IMMP2L: variants seen among roughly 807,000 people sequenced by gnomAD.
IMMP2L encodes the protein mitochondrial inner membrane protease subunit 2.
A neutral mutation model predicts 19.3 loss-of-function variants in IMMP2L; 18 were observed. That is an observed-to-expected ratio of 0.93 (90% confidence interval 0.64 to 1.38). IMMP2L has a LOEUF of 1.38. Among genes scored for constraint, IMMP2L ranks in the 40% most tolerant of loss-of-function variants. The pLI, the probability that IMMP2L is intolerant of heterozygous loss-of-function variation, is 0.00. For missense variants in IMMP2L, 233 were observed against 218.2 expected (o/e 1.07, Z -0.43); for synonymous variants, 76 against 73.0 (o/e 1.04, Z -0.21).
chr7:111,383,899 A>C (rs1475107186), intron 3 of IMMP2L, among the ~76,000 whole-genome samples: 1 of 152,186 alleles, frequency 6.6e-6, no homozygotes, highest in East Asian at 1.9e-4. Context: ...TGACCTGTCC[A>C]GTTACATTTC....
intron 5 of IMMP2L, among the ~76,000 whole-genome samples, chr7:110,718,180 T>G (rs1295852810): frequency 6.6e-6 from 1 of 152,212 alleles, no homozygotes. Flanking sequence ...TGGTGATCTC[T>G]CTCTTTTACA....
chr7:110,982,910 C>G (rs1821452850), intron 3 of IMMP2L, among the ~76,000 whole-genome samples: 1 of 152,064 alleles, frequency 6.6e-6, no homozygotes, highest in East Asian at 1.9e-4. Flanking sequence ...GAACCATTAA[C>G]TATATCTCTT....
intron 3 of IMMP2L, among the ~76,000 whole-genome samples, chr7:111,260,152 T>C (rs1028102739): frequency 8.5e-5 from 13 of 152,338 alleles, no homozygotes; most frequent in African/African-American, 3.1e-4. Flanking sequence ...GTAACAGTTA[T>C]TTGTTATCAT....
intron 2 of IMMP2L, among the ~76,000 whole-genome samples, chr7:111,499,932 C>G (rs567254700): frequency 2.0e-4 from 31 of 152,262 alleles, no homozygotes; most frequent in African/African-American, 7.5e-4. Flanking sequence ...GGGTTCATCT[C>G]ACTAGGGAGT....
intron 3 of IMMP2L, among the ~76,000 whole-genome samples, chr7:111,443,661 G>C (rs1176387707): frequency 6.6e-6 from 1 of 152,096 alleles, no homozygotes; most frequent in South Asian, 2.1e-4. Flanking sequence ...TTTTTCAAAT[G>C]TTTTGACACA....
intron 1 of IMMP2L, among the ~76,000 whole-genome samples, chr7:111,526,984 C>A (rs1846930345): frequency 6.6e-6 from 1 of 152,056 alleles, no homozygotes; most frequent in African/African-American, 2.4e-5. Flanking sequence ...GAATTGTGAG[C>A]CTCCTCTTCT....
intron 3 of IMMP2L, among the ~76,000 whole-genome samples, chr7:111,427,499 A>G (rs952363292): frequency 1.3e-5 from 2 of 151,848 alleles, no homozygotes; most frequent in African/African-American, 2.4e-5. Context: ...GTTAGTACAA[A>G]TAATAATGAC....
intron 3 of IMMP2L, among the ~76,000 whole-genome samples, chr7:111,486,825 T>G (rs1328305851): frequency 6.6e-6 from 1 of 152,154 alleles, no homozygotes; most frequent in Non-Finnish European, 1.5e-5. Context: ...ACTCCTGATG[T>G]ACATAAATGT....
intron 3 of IMMP2L, chr7:111,090,936 C>T (rs1456743024): frequency 6.6e-6 from 1 of 152,092 alleles, no homozygotes; most frequent in African/African-American, 2.4e-5. Context: ...AAAATGATAC[C>T]TAGGAAAACA....
At chr7:110,886,038 G>A (rs1053009106) in intron 5 of IMMP2L, among the ~76,000 whole-genome samples, 3 of 151,816 alleles carry the variant, frequency 2.0e-5, no homozygotes, top group Non-Finnish European at 4.4e-5. Context: ...CTTTATGAGG[G>A]CTCCTGCGCC....
rs1443294981 is a variant in IMMP2L at position 110,663,669 on chromosome 7, T to A, written c.461A>T (p.Glu154Val). Residue 154 changes from glutamate to valine, a missense_variant, in exon 6 of 6, where the codon GAG becomes GTG. Glu to Val is a moderately radical substitution (Grantham distance 121). Transcript: ENST00000405709. ...AHATHILWPP[E>V]RWQKLESVLP... ...AACAGATTCCAATTTCTGCCAGCGC[T>A]CTGGGGGCCACAGGATATGTGTGGC... The A allele has an allele frequency of 6.2e-7, 1 of 1,610,412 alleles. No homozygotes were observed. The highest frequency in any genetic ancestry group is 1.7e-5 in the Admixed American group (1 of 59,630).
chr7:111,202,080 T>C (rs573871340), intron 3 of IMMP2L, among the ~76,000 whole-genome samples: 2 of 152,294 alleles, frequency 1.3e-5, no homozygotes, highest in Non-Finnish European at 2.9e-5. Flanking sequence ...AGCTTCTCCA[T>C]TTGACTAAAC....
intron 5 of IMMP2L, among the ~76,000 whole-genome samples, chr7:110,721,295 A>T (rs1795551079): frequency 6.6e-6 from 1 of 152,112 alleles, no homozygotes; most frequent in African/African-American, 2.4e-5. Context: ...GACTAAAATG[A>T]AATAATGCAT....
chr7:111,044,480 G>A (rs1408358774), intron 3 of IMMP2L, among the ~76,000 whole-genome samples: 1 of 152,154 alleles, frequency 6.6e-6, no homozygotes, highest in Non-Finnish European at 1.5e-5. Context: ...AGAATCACTT[G>A]AACCCAGGAG....
intron 3 of IMMP2L, among the ~76,000 whole-genome samples, chr7:111,352,026 C>T (rs117779367): frequency 7.9e-5 from 12 of 152,230 alleles, no homozygotes; most frequent in Non-Finnish European, 1.5e-4. Flanking sequence ...TTCTGTACTA[C>T]TTTTTCCAGT....
At chr7:110,862,488 G>A (rs1807547664) in intron 5 of IMMP2L, among the ~76,000 whole-genome samples, 2 of 151,220 alleles carry the variant, frequency 1.3e-5, no homozygotes, top group South Asian at 2.1e-4. Flanking sequence ...ATAGATATGT[G>A]CTCCCAGGCC....
chr7:111,156,132 T>C (rs1804621212), intron 3 of IMMP2L, among the ~76,000 whole-genome samples: 1 of 152,158 alleles, frequency 6.6e-6, no homozygotes, highest in Admixed American at 6.5e-5. Flanking sequence ...TTGTTCACAG[T>C]TGATTTAAAA....
At chr7:111,543,429 A>C (rs1848653321) in intron 1 of IMMP2L, among the ~76,000 whole-genome samples, 1 of 152,116 alleles carries the variant, frequency 6.6e-6, no homozygotes, top group South Asian at 2.1e-4. Flanking sequence ...TTTGCTTGAG[A>C]ACAAAAATAT....
intron 5 of IMMP2L, among the ~76,000 whole-genome samples, chr7:110,685,764 C>A (rs1793068144): frequency 6.6e-6 from 1 of 151,830 alleles, no homozygotes; most frequent in Admixed American, 6.6e-5. Context: ...TTTCTATATA[C>A]TAAGATGAGC....
Sources: gnomAD v4.1 joint callset for allele counts (sites outside exome capture counted in the v4.1 genomes callset) on GRCh38, gnomAD v4.1.1 for gene constraint, MANE v1.5 for transcripts, NCBI Gene and HGNC (gene_info 2026-07-23, HGNC 2026-07-21) for gene names.